Variants in HIVEP3 observed in about 807,000 individuals in gnomAD.
HIVEP3 encodes HIVEP zinc finger 3.
Under a neutral mutation model 152.8 loss-of-function variants are expected in HIVEP3, and 49 were observed. The observed-to-expected ratio is 0.32, with a 90% confidence interval of 0.26 to 0.41. The LOEUF is 0.41. Ranked by LOEUF, HIVEP3 falls within the 10% of genes least tolerant of loss-of-function variation. The pLI, the probability that HIVEP3 is intolerant of heterozygous loss-of-function variation, is 1.00. For synonymous variants in HIVEP3, 1,269 were observed against 1,289.0 expected (o/e 0.98, Z 0.33); for missense variants, 2,790 against 3,103.3 (o/e 0.90, Z 2.40).
chr1:41,736,158 A>T (rs1210628841), intron 1 of HIVEP3, among the ~76,000 whole-genome samples: 1 of 152,168 alleles, frequency 6.6e-6, no homozygotes, highest in African/African-American at 2.4e-5. Context: ...AGGAATCTCG[A>T]GAGTTCCAAT....
At chr1:41,736,250 A>T (rs1357607282) in intron 1 of HIVEP3, among the ~76,000 whole-genome samples, 1 of 152,148 alleles carries the variant, frequency 6.6e-6, no homozygotes, top group African/African-American at 2.4e-5. Context: ...GGAAACCTGA[A>T]CGAATTTCCA....
chr1:41,539,746 T>C (rs1643483150), intron 5 of HIVEP3, among the ~76,000 whole-genome samples: 1 of 152,240 alleles, frequency 6.6e-6, no homozygotes, highest in African/African-American at 2.4e-5. Context: ...TCCTTTCTTC[T>C]TGGTTAACAT....
chr1:41,521,861 C>T (rs1642767726), intron 6 of HIVEP3, among the ~76,000 whole-genome samples: 1 of 152,262 alleles, frequency 6.6e-6, no homozygotes, highest in African/African-American at 2.4e-5. Context: ...GGTGCAAGGG[C>T]CTGGACATGG....
At position 41,971,305 on chromosome 1, in the gene HIVEP3, T is replaced by C. The variant is rs146634688; in HGVS notation, n.120-52781A>G. Among the ~76,000 whole-genome samples the C allele has an allele frequency of 4.6e-3, 702 of 152,270 alleles. 5 individuals carry two copies. Among genetic ancestry groups the C allele is most frequent in the Middle Eastern group, 0.01 (3 of 294 alleles). ...ATTGGGGAGGGGGTCAGAAAACAGA[T>C]GGTCAAACTACTAGTGGCTCCCCAC... On this transcript the variant is annotated intron_variant and non_coding_transcript_variant, in intron 1 of 3. Coordinates refer to the HIVEP3 transcript ENST00000489103.
chr1:41,636,431 C>A (rs1346327812), intron 2 of HIVEP3, among the ~76,000 whole-genome samples: 1 of 152,164 alleles, frequency 6.6e-6, no homozygotes, highest in Non-Finnish European at 1.5e-5. Flanking sequence ...AATTGGACCT[C>A]AGTGCTCTTA....
At chr1:41,598,270 G>A (rs1319960997) in intron 3 of HIVEP3, among the ~76,000 whole-genome samples, 1 of 152,212 alleles carries the variant, frequency 6.6e-6, no homozygotes, top group Non-Finnish European at 1.5e-5. Flanking sequence ...TTTCTGGCAG[G>A]TCTCTAGTGG....
intron 1 of HIVEP3, among the ~76,000 whole-genome samples, chr1:41,942,332 C>G (rs1012893345): frequency 2.0e-5 from 3 of 152,188 alleles, no homozygotes; most frequent in Non-Finnish European, 2.9e-5. Context: ...CACTGGCCTC[C>G]ACATTTAAAG....
Position 41,510,922 on chromosome 1 carries a change from C to G in HIVEP3, c.6750G>C (p.Ser2250=), listed in dbSNP as rs139361589. 1 of 1,613,576 alleles carries G rather than the reference C, an allele frequency of 6.2e-7. No homozygotes were observed. The highest frequency in any genetic ancestry group is 2.2e-5 in the East Asian group (1 of 44,872). ...TAGCCACAGGCGACACGGAGGCTGACGAGCTCTCAGTGGGACTCCAGCGGC... is the reference window on the plus strand; with the variant it reads ...TAGCCACAGGCGACACGGAGGCTGAGGAGCTCTCAGTGGGACTCCAGCGGC... The part of the protein sequence containing the change: ...ERGRWSPTES[S]SASVSPVAKV... The change falls in exon 9 of 9, where the codon TCG becomes TCC. Residue 2250 remains serine, a synonymous_variant. Coordinates refer to ENST00000372583, the MANE Select transcript of HIVEP3 (RefSeq NM_024503.5).
intron 1 of HIVEP3, among the ~76,000 whole-genome samples, chr1:42,006,775 A>AC (rs1348184021): frequency 6.6e-6 from 1 of 152,216 alleles, no homozygotes; most frequent in African/African-American, 2.4e-5. Context: ...GCATCTTAGT[A>AC]TTATTATAAA....
At chr1:41,722,040 G>T (rs1411518930) in intron 1 of HIVEP3, among the ~76,000 whole-genome samples, 1 of 152,216 alleles carries the variant, frequency 6.6e-6, no homozygotes, top group Non-Finnish European at 1.5e-5. Context: ...CATGCCATGG[G>T]AGGAACTGAG....
chr1:41,747,747 G>T (rs182032577), intron 1 of HIVEP3, among the ~76,000 whole-genome samples: 4 of 152,276 alleles, frequency 2.6e-5, no homozygotes, highest in Non-Finnish European at 5.9e-5. Flanking sequence ...GTGTTGTGTA[G>T]ATGGCTCCCA....
At chr1:42,006,375 G>A (rs532237117) in intron 1 of HIVEP3, among the ~76,000 whole-genome samples, 44 of 152,188 alleles carry the variant, frequency 2.9e-4, no homozygotes, top group Non-Finnish European at 5.6e-4. Context: ...CTGGTCTCAG[G>A]ACCTCCTTAC....
intron 1 of HIVEP3, among the ~76,000 whole-genome samples, chr1:41,834,487 A>G (rs1017428084): frequency 1.3e-5 from 2 of 152,218 alleles, no homozygotes; most frequent in Admixed American, 1.3e-4. Flanking sequence ...ATGACTGGAT[A>G]ATCATCCTAT....
At chr1:41,680,191 G>A (rs928056143) in intron 2 of HIVEP3, among the ~76,000 whole-genome samples, 23 of 152,196 alleles carry the variant, frequency 1.5e-4, no homozygotes, top group Non-Finnish European at 2.1e-4. Flanking sequence ...TACAGGTCAC[G>A]TTGGCAACCA....
At chr1:41,532,037 T>G (rs1382939292) in intron 5 of HIVEP3, among the ~76,000 whole-genome samples, 15 of 75,234 alleles carry the variant, frequency 2.0e-4, no homozygotes, top group Non-Finnish European at 2.0e-4. Flanking sequence ...ACAGGGGAGA[T>G]AGAGGACAGG....
At chr1:41,605,369 A>G (rs796235002) in intron 3 of HIVEP3, among the ~76,000 whole-genome samples, 21 of 114,544 alleles carry the variant, frequency 1.8e-4, no homozygotes, top group African/African-American at 7.3e-4. Flanking sequence ...ACACACACGC[A>G]CACGCGCACA....
At chr1:41,931,988 A>G (rs1332249444) in intron 1 of HIVEP3, among the ~76,000 whole-genome samples, 1 of 151,784 alleles carries the variant, frequency 6.6e-6, no homozygotes, top group Non-Finnish European at 1.5e-5. Flanking sequence ...GAAGTCAGAT[A>G]GGAGTCATAA....
intron 1 of HIVEP3, among the ~76,000 whole-genome samples, chr1:41,971,197 C>A (rs1273276795): frequency 6.6e-6 from 1 of 152,056 alleles, no homozygotes; most frequent in Non-Finnish European, 1.5e-5. Flanking sequence ...AATTTGAAAT[C>A]GAATTTATAA....
intron 2 of HIVEP3, among the ~76,000 whole-genome samples, chr1:41,667,612 A>T (rs1469847714): frequency 2.0e-5 from 3 of 152,224 alleles, no homozygotes; most frequent in Non-Finnish European, 4.4e-5. Context: ...CTTTGTGCCC[A>T]CCAAGGGAGG....
Sources: allele counts gnomAD v4.1 joint callset (sites outside exome capture counted in the v4.1 genomes callset), GRCh38; gene constraint gnomAD v4.1.1; transcripts MANE v1.5; gene names NCBI Gene and HGNC (gene_info 2026-07-23, HGNC 2026-07-21).